EXT1: variants seen among roughly 807,000 people sequenced by gnomAD.
EXT1 encodes the protein exostosin-1.
Under a neutral mutation model 82.5 loss-of-function variants are expected in EXT1, and 20 were observed. The ratio of observed to expected loss-of-function variants is 0.24; its 90% confidence interval spans 0.17 to 0.35. The LOEUF (loss-of-function observed/expected upper bound fraction) is 0.35, where lower values mean the gene tolerates loss of function less well. Ranked by LOEUF, EXT1 falls within the 10% of genes least tolerant of loss-of-function variation. The pLI, the probability that EXT1 is intolerant of heterozygous loss-of-function variation, is 1.00. For synonymous variants in EXT1, 348 were observed against 350.8 expected (o/e 0.99, Z 0.09); for missense variants, 757 against 936.5 (o/e 0.81, Z 2.50).
At chr8:118,034,786 C>G (rs1816389560) in intron 1 of EXT1, among the ~76,000 whole-genome samples, 1 of 152,174 alleles carries the variant, frequency 6.6e-6, no homozygotes, top group African/African-American at 2.4e-5. Flanking sequence ...ACCCTCACCA[C>G]AGTCTTCAGA....
chr8:118,004,959 ACATTT>A (rs1815744139), intron 1 of EXT1, among the ~76,000 whole-genome samples: 2 of 152,202 alleles, frequency 1.3e-5, no homozygotes, highest in Admixed American at 1.3e-4. Flanking sequence ...ACTCCGTAGG[ACATTT>A]AGTAAACATG....
rs1289253063 is a variant in EXT1 at position 117,837,086 on chromosome 8, G to A, written c.1056+22C>T. On this transcript the variant is annotated intron_variant, in intron 2 of 10. Transcript: ENST00000378204. ...GGCTTCGGTCCTCAGCCCTATTCTG[G>A]GAAGGCTCCAGGGCCTCTTACCTGC... The A allele has an allele frequency of 1.2e-5, 19 of 1,591,938 alleles. No homozygotes were observed. The Admixed American group carries it at 3.2e-4, about 27-fold the overall frequency.
intron 1 of EXT1, among the ~76,000 whole-genome samples, chr8:118,070,134 C>T (rs201074301): frequency 6.6e-6 from 1 of 151,752 alleles, no homozygotes; most frequent in East Asian, 1.9e-4. Flanking sequence ...ACCGATGGTG[C>T]GTTTTTACTA....
intron 1 of EXT1, among the ~76,000 whole-genome samples, chr8:118,058,130 TCACA>T (rs1221993666): frequency 1.6e-4 from 25 of 152,002 alleles, no homozygotes; most frequent in African/African-American, 6.0e-4. Flanking sequence ...ACTTCCCCAC[TCACA>T]CACAGACAGA....
chr8:117,858,848 A>AAGGAAGGAAGGAAG (rs1563582262), intron 1 of EXT1, among the ~76,000 whole-genome samples: 45 of 31,796 alleles, frequency 1.4e-3, no homozygotes, highest in Admixed American at 2.6e-3. Context: ...AAGGAAGGAA[A>AAGGAAGGAAGGAAG]GAAAGAAAGA....
intron 1 of EXT1, among the ~76,000 whole-genome samples, chr8:118,011,426 C>A (rs934844230): frequency 2.0e-5 from 3 of 152,160 alleles, no homozygotes; most frequent in East Asian, 1.9e-4. Context: ...AATGTGCCTA[C>A]AAAATCCATC....
chr8:118,066,445 C>T (rs896026843), intron 1 of EXT1, among the ~76,000 whole-genome samples: 6 of 151,564 alleles, frequency 4.0e-5, no homozygotes, highest in African/African-American at 1.2e-4. Context: ...AAGTAGCCTC[C>T]GCCTCCCGGT....
intron 1 of EXT1, among the ~76,000 whole-genome samples, chr8:117,990,633 C>G (rs1815413097): frequency 6.6e-6 from 1 of 152,230 alleles, no homozygotes; most frequent in Non-Finnish European, 1.5e-5. Context: ...TTCCCACTTG[C>G]ATAAACACTG....
intron 1 of EXT1, among the ~76,000 whole-genome samples, chr8:118,098,758 CAAAAAA>C (rs3050886): frequency 1.6e-5 from 2 of 128,142 alleles, no homozygotes; most frequent in Non-Finnish European, 1.6e-5. Context: ...GACTCTGTCT[CAAAAAA>C]AAAAAAAAAA....
rs1453099564 is a variant in EXT1 at position 118,065,106 on chromosome 8, G to A, written c.962+44979C>T. On this transcript the variant is annotated intron_variant, in intron 1 of 10. Coordinates refer to ENST00000378204, the MANE Select transcript of EXT1 (RefSeq NM_000127.3). ...GACCTCAGGTGATCCACCCGCCTCA[G>A]CCTCCCAAAGTGCTGGGATTACAGG... Among the ~76,000 whole-genome samples, 5 of 152,174 alleles carry A rather than the reference G, an allele frequency of 3.3e-5. No individual in the cohort carries two copies. The East Asian group carries it at 9.7e-4, about 29-fold the overall frequency.
At chr8:117,890,819 C>T (rs1813229688) in intron 1 of EXT1, among the ~76,000 whole-genome samples, 1 of 152,172 alleles carries the variant, frequency 6.6e-6, no homozygotes, top group South Asian at 2.1e-4. Context: ...AAGCACTCAA[C>T]TTTTCTTTTT....
chr8:118,026,461 G>A (rs1816204807), intron 1 of EXT1, among the ~76,000 whole-genome samples: 1 of 151,750 alleles, frequency 6.6e-6, no homozygotes, highest in Non-Finnish European at 1.5e-5. Context: ...CTGCCTCTTG[G>A]TTATAGGTCA....
chr8:117,929,357 C>G (rs1473254175), intron 1 of EXT1, among the ~76,000 whole-genome samples: 1 of 152,176 alleles, frequency 6.6e-6, no homozygotes, highest in African/African-American at 2.4e-5. Context: ...TTCCCTCTTC[C>G]TCCTCACTCT....
At chr8:118,082,297 C>T (rs1457323131) in intron 1 of EXT1, among the ~76,000 whole-genome samples, 2 of 152,088 alleles carry the variant, frequency 1.3e-5, no homozygotes, top group Non-Finnish European at 2.9e-5. Context: ...GCATCATGCA[C>T]CATAACACAA....
chr8:117,841,462 G>T (rs1421645102), intron 1 of EXT1, among the ~76,000 whole-genome samples: 2 of 152,102 alleles, frequency 1.3e-5, no homozygotes, highest in Non-Finnish European at 2.9e-5. Flanking sequence ...TTTTAAGATG[G>T]ACTAATTCTC....
At chr8:118,060,352 A>G (rs1036354165) in intron 1 of EXT1, among the ~76,000 whole-genome samples, 1 of 152,164 alleles carries the variant, frequency 6.6e-6, no homozygotes, top group South Asian at 2.1e-4. Flanking sequence ...ACTGATCCCA[A>G]TTTTTGGAAA....
rs759290391 is a variant in EXT1, at chr8:117,799,911, G to C, written c.2056-14C>G. 1.2e-6 allele frequency: 2 copies of C among 1,613,306 alleles called. No homozygotes were observed. Among genetic ancestry groups the C allele is most frequent in the East Asian group, 4.5e-5 (2 of 44,882 alleles). ...AGCCCGAGAAGTCTAGGGAGAAGGA[G>C]AGAAACAAGGATAATGATGAGAGAA... is the stretch of plus-strand genomic sequence containing the variant. On this transcript the variant is annotated splice_polypyrimidine_tract_variant and intron_variant, in intron 10 of 10. Transcript: ENST00000378204.
At chr8:117,835,696 C>T (rs1812178649) in intron 2 of EXT1, 145 bp from the exon 3 acceptor site, 1 of 682,476 alleles carries the variant, frequency 1.5e-6, no homozygotes, top group East Asian at 2.7e-5. Context: ...GGAAAGGAAG[C>T]TTTTATGAGT....
chr8:117,842,937 T>C (rs1356196351), intron 1 of EXT1, among the ~76,000 whole-genome samples: 1 of 152,198 alleles, frequency 6.6e-6, no homozygotes, highest in Non-Finnish European at 1.5e-5. Context: ...CAGCCTCTCA[T>C]CTCTGTACTC....
Sources: gnomAD v4.1 joint callset for allele counts (sites outside exome capture counted in the v4.1 genomes callset) on GRCh38, gnomAD v4.1.1 for gene constraint, MANE v1.5 for transcripts, NCBI Gene and HGNC (gene_info 2026-07-23, HGNC 2026-07-21) for gene names.